The following IMMP2L variants were observed in gnomAD, a reference collection of about 807,000 sequenced individuals.
The protein encoded by IMMP2L is inner mitochondrial membrane peptidase subunit 2, also known as mitochondrial inner membrane protease subunit 2.
In IMMP2L, 18 loss-of-function variants were observed where a neutral mutation model predicts 19.3. The ratio of observed to expected loss-of-function variants is 0.93; its 90% CI spans 0.64 to 1.38. The LOEUF is 1.38. Ranked by LOEUF, IMMP2L falls within the 40% of genes most tolerant of loss-of-function variation. The probability of loss-of-function intolerance (pLI) is 0.00; values close to 1 mark genes in which losing one functional copy is unlikely to be tolerated. For missense variants in IMMP2L, 233 were observed against 218.2 expected, an observed-to-expected ratio of 1.07 and a Z score of -0.43; for synonymous variants, 76 against 73.0, an observed-to-expected ratio of 1.04 and a Z score of -0.21.
At chr7:111,438,029 T>C (rs1008159346) in intron 3 of IMMP2L, among the ~76,000 whole-genome samples, 1 of 151,888 alleles carries the variant, frequency 6.6e-6, no homozygotes, top group African/African-American at 2.4e-5. Flanking sequence ...TCCTAAATAT[T>C]CTTTAACATT....
At chr7:110,868,092 T>G (rs1446410631) in intron 5 of IMMP2L, among the ~76,000 whole-genome samples, 1 of 145,784 alleles carries the variant, frequency 6.9e-6, no homozygotes, top group Non-Finnish European at 1.5e-5. Context: ...CTCTTTTTAT[T>G]CTGAATACCA....
rs1809177291 is a variant in IMMP2L at position 110,877,320 on chromosome 7, T to G, written c.408+9273A>C. ...GGATGAGTTAGCTCCCATAGTTGCC[T>G]TGGCAAAGTTCACAGTCTTTTCACA... On this transcript the variant is annotated intron_variant, in intron 5 of 5. Coordinates refer to ENST00000405709, the MANE Select transcript of IMMP2L (RefSeq NM_032549.4). The surrounding 1 kb of genome is among the most constrained non-coding windows in gnomAD (Gnocchi z 4.0). Among the ~76,000 whole-genome samples, 1 of 152,168 alleles carries G rather than the reference T, an allele frequency of 6.6e-6. No homozygotes were observed. Among genetic ancestry groups the G allele is most frequent in the African/African-American group, 2.4e-5 (1 of 41,450 alleles).
At chr7:111,124,978 A>G (rs918141683) in intron 3 of IMMP2L, 1 of 1,026,650 alleles carries the variant, frequency 9.7e-7, no homozygotes, top group Non-Finnish European at 1.4e-6. Flanking sequence ...AAAACAAAAC[A>G]AAACAAACAA....
chr7:111,102,812 C>T (rs1178126957), intron 3 of IMMP2L, among the ~76,000 whole-genome samples: 2 of 151,502 alleles, frequency 1.3e-5, no homozygotes, highest in Non-Finnish European at 3.0e-5. Context: ...ATCCTCTTTG[C>T]TAGGGTCATA....
At chr7:110,937,047 C>T (rs941872900) in intron 4 of IMMP2L, among the ~76,000 whole-genome samples, 20 of 151,852 alleles carry the variant, frequency 1.3e-4, no homozygotes, top group South Asian at 8.3e-4. Context: ...ACACCAGGGC[C>T]GGTAGGGGGT....
chr7:111,152,278 C>T (rs1446724365), intron 3 of IMMP2L, among the ~76,000 whole-genome samples: 1 of 151,998 alleles, frequency 6.6e-6, no homozygotes, highest in Non-Finnish European at 1.5e-5. Context: ...AAAATCCATA[C>T]ATTCCCCTCC....
intron 4 of IMMP2L, among the ~76,000 whole-genome samples, chr7:110,913,673 T>C (rs779457383): frequency 1.4e-4 from 22 of 152,288 alleles, no homozygotes; most frequent in Non-Finnish European, 2.9e-4. Flanking sequence ...TGCTAAGTAA[T>C]GATACCAGCC....
chr7:111,103,509 C>A (rs1220143268), intron 3 of IMMP2L, among the ~76,000 whole-genome samples: 1 of 151,514 alleles, frequency 6.6e-6, no homozygotes, highest in East Asian at 1.9e-4. Context: ...ACAGAAATAA[C>A]CAGAAAAATA....
At position 110,859,497 on chromosome 7, in the gene IMMP2L, T is replaced by C. The variant is rs535452635; in HGVS notation, c.408+27096A>G. Among the ~76,000 whole-genome samples the C allele has an allele frequency of 1.4e-4, 21 of 151,712 alleles. 1 individual carries two copies. The highest frequency in any genetic ancestry group is 5.1e-4 in the African/African-American group (21 of 41,392). On this transcript the variant is annotated intron_variant, in intron 5 of 5. Coordinates refer to ENST00000405709, the MANE Select transcript of IMMP2L (RefSeq NM_032549.4). Reference sequence around the variant, plus strand: ...GTGGCTCACGACTGTAATCCCAGATTTTTGGGAGGCCGAGGCAGGCAGACT... The same window carrying C: ...GTGGCTCACGACTGTAATCCCAGATCTTTGGGAGGCCGAGGCAGGCAGACT...
chr7:111,508,302 T>C (rs1845123578), intron 2 of IMMP2L, among the ~76,000 whole-genome samples: 1 of 151,206 alleles, frequency 6.6e-6, no homozygotes, highest in Non-Finnish European at 1.5e-5. Flanking sequence ...TTAAAAAAGT[T>C]TACGAAGAAA....
chr7:111,136,442 T>A (rs1802356115), intron 3 of IMMP2L, among the ~76,000 whole-genome samples: 1 of 151,434 alleles, frequency 6.6e-6, no homozygotes, highest in Non-Finnish European at 1.5e-5. Flanking sequence ...TAAAAAAAAA[T>A]GAATCTAATC....
intron 3 of IMMP2L, among the ~76,000 whole-genome samples, chr7:111,470,391 C>T (rs1841129270): frequency 6.6e-6 from 1 of 151,966 alleles, no homozygotes; most frequent in Admixed American, 6.6e-5. Context: ...ACCCAAAGGA[C>T]TATAAATCAT....
chr7:110,685,211 A>G lies in IMMP2L; in HGVS notation c.409-21490T>C, dbSNP rs1584496988. ...ATGTAAAGACAGTCCAAGAAACAGG[A>G]GTGGAGTGAGCATCAGTCACAGACC... On this transcript the variant is annotated intron_variant, in intron 5 of 5. Transcript: ENST00000405709. 2.0e-5 allele frequency among the ~76,000 whole-genome samples: 3 copies of G among 152,130 alleles called. No homozygotes were observed. In the South Asian group the frequency reaches 6.2e-4, roughly 31 times the overall value.
intron 3 of IMMP2L, among the ~76,000 whole-genome samples, chr7:111,203,480 A>G (rs1231928909): frequency 6.6e-6 from 1 of 152,092 alleles, no homozygotes; most frequent in Non-Finnish European, 1.5e-5. Context: ...GCAGTCAGAA[A>G]ATATAAGGCA....
intron 3 of IMMP2L, among the ~76,000 whole-genome samples, chr7:111,349,674 G>T (rs1827941924): frequency 1.3e-5 from 2 of 152,106 alleles, no homozygotes; most frequent in Non-Finnish European, 2.9e-5. Flanking sequence ...GTAGAATGAA[G>T]TCCCTGCTTT....
intron 5 of IMMP2L, among the ~76,000 whole-genome samples, chr7:110,821,914 T>A (rs897089660): frequency 6.6e-6 from 1 of 151,954 alleles, no homozygotes; most frequent in East Asian, 1.9e-4. Context: ...AGAGCAAGAC[T>A]CTTGTCTCAA....
intron 3 of IMMP2L, among the ~76,000 whole-genome samples, chr7:111,225,634 C>T (rs781085699): frequency 4.5e-4 from 64 of 142,492 alleles, no homozygotes; most frequent in Non-Finnish European, 8.9e-4. Flanking sequence ...CACAATTATC[C>T]ATCAAAAGTG....
chr7:111,107,756 T>C (rs527512151), intron 3 of IMMP2L, among the ~76,000 whole-genome samples: 76 of 152,230 alleles, frequency 5.0e-4, no homozygotes, highest in African/African-American at 1.7e-3. Flanking sequence ...TGGCTAATAA[T>C]GAACTCCCAA....
intron 3 of IMMP2L, among the ~76,000 whole-genome samples, chr7:111,178,367 G>T (rs926406561): frequency 3.3e-5 from 5 of 152,082 alleles, no homozygotes; most frequent in Admixed American, 3.3e-4. Flanking sequence ...CTACTAGGGG[G>T]TCTTGCCTCT....
Sources: gnomAD v4.1 joint callset for allele counts (sites outside exome capture counted in the v4.1 genomes callset) on GRCh38, gnomAD v4.1.1 for gene constraint, Gnocchi (gnomAD v3.1) non-coding constraint, MANE v1.5 for transcripts, NCBI Gene and HGNC (gene_info 2026-07-23, HGNC 2026-07-21) for gene names.